Variants in MYT1 observed in about 807,000 individuals in gnomAD.
MYT1 encodes the protein myelin transcription factor 1.
MYT1 carries 23 observed loss-of-function variants against 123.0 expected under a neutral mutation model. That is an observed-to-expected ratio of 0.19 (90% CI 0.13 to 0.26). The LOEUF is 0.26. Among genes scored for constraint, MYT1 ranks in the 10% least tolerant of loss-of-function variants. The pLI, the probability that MYT1 is intolerant of heterozygous loss-of-function variation, is 1.00. For missense variants in MYT1, 1,125 were observed against 1,472.5 expected, an observed-to-expected ratio of 0.76 and a Z score of 3.86; for synonymous variants, 518 against 575.3, an observed-to-expected ratio of 0.90 and a Z score of 1.43.
At chr20:64,170,884 TAGAGAGAGAGAGAGAGAGAGAGAG>T (rs71197459) in intron 1 of MYT1, among the ~76,000 whole-genome samples, 1 of 20,008 alleles carries the variant, frequency 5.0e-5, no homozygotes, top group African/African-American at 2.3e-4. Context: ...TATATATATA[TAGAGAGAGAGAGAGAGAGAGAGAG>T]AGAGAGAGAG....
chr20:64,203,557 TCCTC>T lies in MYT1; in HGVS notation c.87-1468_87-1465del, dbSNP rs1415920482. Among the ~76,000 whole-genome samples, 1 of 150,858 alleles carries T rather than the reference TCCTC, an allele frequency of 6.6e-6. No individual in the cohort carries two copies. The highest frequency in any genetic ancestry group is 2.4e-5 in the African/African-American group (1 of 41,114). On this transcript the variant is annotated intron_variant, in intron 4 of 22. Transcript: ENST00000328439. This position sits in a 1 kb window ranked among gnomAD's most constrained non-coding sequence, Gnocchi z 5.1. ...CTTCCCGTCTGGGTTCCCTCTTCCC[TCCTC>T]CCTCCCTCCTTCCCTCCCTCTCTGT...
chr20:64,187,939 C>T (rs1206516734), intron 1 of MYT1, among the ~76,000 whole-genome samples: 1 of 152,208 alleles, frequency 6.6e-6, no homozygotes, highest in Non-Finnish European at 1.5e-5. Flanking sequence ...GGCTTTGCTG[C>T]CTCAGGGAGG....
Position 64,167,305 on chromosome 20 carries a change from G to A in MYT1, c.-99+2566G>A, listed in dbSNP as rs150182686. Reference sequence around the variant, plus strand: ...GGTGGGGGCTGAGCTCTTCCTGGACGGACTCAGTGCAAAAGGTGCGTCTAC... The same window carrying A: ...GGTGGGGGCTGAGCTCTTCCTGGACAGACTCAGTGCAAAAGGTGCGTCTAC... On this transcript the variant is annotated intron_variant, in intron 1 of 22. Coordinates refer to ENST00000328439, the MANE Select transcript of MYT1 (RefSeq NM_004535.3). This position sits in a 1 kb window ranked among gnomAD's most constrained non-coding sequence, Gnocchi z 6.3. Among the ~76,000 whole-genome samples, 8 of 152,310 alleles carry A rather than the reference G, an allele frequency of 5.3e-5. No individual in the cohort carries two copies. Among genetic ancestry groups the A allele is most frequent in the East Asian group, 1.9e-4 (1 of 5,180 alleles).
Position 64,202,338 on chromosome 20 carries a change from A to C in MYT1, c.86+2416A>C, listed in dbSNP as rs1244161263. On this transcript the variant is annotated intron_variant, in intron 4 of 22. Coordinates refer to ENST00000328439, the MANE Select transcript of MYT1 (RefSeq NM_004535.3). The surrounding 1 kb of genome is among the most constrained non-coding windows in gnomAD (Gnocchi z 5.0). ...TTTTTCCTTTCACCCCATCGGGAGAACTGATGACGTTTCAGCTTGTATTTT... is the reference window on the plus strand; with the variant it reads ...TTTTTCCTTTCACCCCATCGGGAGACCTGATGACGTTTCAGCTTGTATTTT... Among the ~76,000 whole-genome samples, 1 of 152,092 alleles carries C rather than the reference A, an allele frequency of 6.6e-6. No individual in the cohort carries two copies. Among genetic ancestry groups the C allele is most frequent in the African/African-American group, 2.4e-5 (1 of 41,412 alleles).
In MYT1 at chr20:64,231,123, T is replaced by G. The variant is rs1984309371; in HGVS notation, c.2676-1041T>G. Among the ~76,000 whole-genome samples the G allele has an allele frequency of 6.7e-6, 1 of 149,840 alleles. No individual in the cohort carries two copies. The highest frequency in any genetic ancestry group is 2.5e-5 in the African/African-American group (1 of 40,764). ...GTATGCCCATGAATCTCCTCGTAAATGGAGCCATGGTGACCTCTCGGGGTC... is the reference window on the plus strand; with the variant it reads ...GTATGCCCATGAATCTCCTCGTAAAGGGAGCCATGGTGACCTCTCGGGGTC... On this transcript the variant is annotated intron_variant, in intron 18 of 22. Transcript: ENST00000328439. This position sits in a 1 kb window ranked among gnomAD's most constrained non-coding sequence, Gnocchi z 6.4.
intron 10 of MYT1, among the ~76,000 whole-genome samples, chr20:64,214,282 C>T (rs188674423): frequency 1.7e-4 from 25 of 151,384 alleles, no homozygotes; most frequent in East Asian, 1.4e-3. Flanking sequence ...TTTACATGTG[C>T]GTGCAAGTCC....
At position 64,164,539 on chromosome 20, in the gene MYT1, G is replaced by A. The variant is rs1569302264; in HGVS notation, c.-299G>A. 6.6e-6 allele frequency: 1 copy of A among 152,168 alleles called. No individual in the cohort carries two copies. Among genetic ancestry groups the A allele is most frequent in the Non-Finnish European group, 1.5e-5 (1 of 68,036 alleles). The allele number at this position is 152,168 out of a possible 1,614,324, so 9.4% of individuals were successfully genotyped here. A position where few individuals can be genotyped will look rare whatever the true frequency, so the allele number is the denominator to read the frequency against. ...TTAAGTAAATGAGACGTCGCCTTTA[G>A]CTGGCTTAGGAGTTCGCACACTAAG... On this transcript the variant is annotated 5_prime_UTR_variant, in exon 1 of 23. It removes the in-frame stop codon of an upstream open reading frame in the 5' UTR. Transcript: ENST00000328439.
At chr20:64,209,767 A>G (rs904667965) in intron 7 of MYT1, among the ~76,000 whole-genome samples, 2 of 152,192 alleles carry the variant, frequency 1.3e-5, no homozygotes, top group Non-Finnish European at 2.9e-5. Flanking sequence ...CACGAGGGAC[A>G]TGTTTTCCGG....
At chr20:64,220,297 G>A (rs1983963486) in intron 13 of MYT1, among the ~76,000 whole-genome samples, 1 of 152,218 alleles carries the variant, frequency 6.6e-6, no homozygotes, top group African/African-American at 2.4e-5. Context: ...GGAGGAGAAA[G>A]GCATCGTTCA....
intron 1 of MYT1, among the ~76,000 whole-genome samples, chr20:64,178,178 G>T (rs916537598): frequency 2.6e-5 from 4 of 152,204 alleles, no homozygotes; most frequent in African/African-American, 9.6e-5. Context: ...AATACATTTT[G>T]AAACAATCTC....
intron 2 of MYT1, among the ~76,000 whole-genome samples, chr20:64,194,311 C>T (rs906748663): frequency 1.3e-5 from 2 of 152,210 alleles, no homozygotes; most frequent in Admixed American, 1.3e-4. Context: ...TGGAGTGCCT[C>T]CCACCCCAGA....
chr20:64,223,447 C>T lies in MYT1; in HGVS notation c.2528+88C>T, dbSNP rs576089226. On this transcript the variant is annotated intron_variant, in intron 16 of 22. Coordinates refer to ENST00000328439, the MANE Select transcript of MYT1 (RefSeq NM_004535.3). ...TGAGGCTCCTGCCAAAATCAGCCTTCTCCAAGGTGCCAAGCCTCAGCTGGC... is the reference window on the plus strand; with the variant it reads ...TGAGGCTCCTGCCAAAATCAGCCTTTTCCAAGGTGCCAAGCCTCAGCTGGC... The T allele has an allele frequency of 2.1e-4, 310 of 1,454,392 alleles. 4 individuals carry two copies. In the South Asian group the frequency reaches 3.3e-3, roughly 15 times the overall value. The allele number at this position is 1,454,392 out of a possible 1,614,324, so 90.1% of individuals were successfully genotyped here.
rs1046249898 is a variant in MYT1 at position 64,241,533 on chromosome 20, G to A, written c.*1085G>A. On this transcript the variant is annotated 3_prime_UTR_variant, in exon 23 of 23. Transcript: ENST00000328439. The surrounding 1 kb of genome is among the most constrained non-coding windows in gnomAD (Gnocchi z 4.2). The stretch of plus-strand genomic sequence containing the variant: ...CCTGGAAAAAATTAAAAAGTAGTTA[G>A]TTTAATTATTCTGTAAATTATTTAA... 1 of 152,676 alleles carries A rather than the reference G, an allele frequency of 6.5e-6. No homozygotes were observed. Among genetic ancestry groups the A allele is most frequent in the South Asian group, 2.1e-4 (1 of 4,826 alleles). The allele number at this position is 152,676 out of a possible 1,614,324, so 9.5% of individuals were successfully genotyped here. A position where few individuals can be genotyped will look rare whatever the true frequency, so the allele number is the denominator to read the frequency against.
At position 64,232,146 on chromosome 20, in the gene MYT1, C is replaced by T. The variant is rs199682818; in HGVS notation, c.2676-18C>T. ...CAACCCTTCGCCCCTGTACTCACCCCGGCCTCTCTGTACCCAGGTGCCCAG... is the reference window on the plus strand; with the variant it reads ...CAACCCTTCGCCCCTGTACTCACCCTGGCCTCTCTGTACCCAGGTGCCCAG... On this transcript the variant is annotated intron_variant, in intron 18 of 22. Transcript: ENST00000328439. This position sits in a 1 kb window ranked among gnomAD's most constrained non-coding sequence, Gnocchi z 6.9. 2.7e-5 allele frequency: 43 copies of T among 1,611,732 alleles called. No homozygotes were observed. The highest frequency in any genetic ancestry group is 1.2e-4 in the African/African-American group (9 of 75,040).
chr20:64,186,767 G>A lies in MYT1; in HGVS notation c.-98-3296G>A, dbSNP rs1224448194. ...TCCGTGGAGAGATTTCCTGTAGCCC[G>A]TGGCCCCGGCATCCACGTTTCCGTG... On this transcript the variant is annotated intron_variant, in intron 1 of 22. Coordinates refer to ENST00000328439, the MANE Select transcript of MYT1 (RefSeq NM_004535.3). This position sits in a 1 kb window ranked among gnomAD's most constrained non-coding sequence, Gnocchi z 4.3. Among the ~76,000 whole-genome samples, 9 of 151,980 alleles carry A rather than the reference G, an allele frequency of 5.9e-5. No homozygotes were observed. The highest frequency in any genetic ancestry group is 3.9e-4 in the Admixed American group (6 of 15,280).
Position 64,218,932 on chromosome 20 carries a change from C to G in MYT1, c.1868C>G (p.Ala623Gly). The G allele has an allele frequency of 6.2e-7, 1 of 1,613,702 alleles. No individual in the cohort carries two copies. Among genetic ancestry groups the G allele is most frequent in the Non-Finnish European group, 8.5e-7 (1 of 1,180,044 alleles). The change falls in exon 12 of 23, where the codon GCC becomes GGC. Residue 623 changes from alanine to glycine, a missense_variant. Physicochemically the swap from Ala to Gly is moderately conservative, Grantham distance 60. Coordinates refer to ENST00000328439, the MANE Select transcript of MYT1 (RefSeq NM_004535.3). The surrounding 1 kb of genome is among the most constrained non-coding windows in gnomAD (Gnocchi z 4.0). ...GCAGGCTTTGACTACTCGCAGGACG[C>G]CGAGGCTGCACACATGGCTGCCACT... ...AFQCFDYSQD[A>G]EAAHMAATAI...
intron 10 of MYT1, 141 bp from the exon 11 acceptor site, chr20:64,216,926 C>T: frequency 1.3e-6 from 1 of 744,396 alleles, no homozygotes; most frequent in Non-Finnish European, 2.2e-6. Flanking sequence ...GTGGAATATG[C>T]AGGGGTAGTG....
rs1982160528 is a variant in MYT1, at chr20:64,168,931, CCT to C, written c.-99+4200_-99+4201del. ...CTGACAGATGAGCCTGCTGGCCCCA[CCT>C]CTCTCTCACGCCTGGCTTCACACCT... On this transcript the variant is annotated intron_variant, in intron 1 of 22. Transcript: ENST00000328439. The surrounding 1 kb of genome is among the most constrained non-coding windows in gnomAD (Gnocchi z 6.1). Among the ~76,000 whole-genome samples, 1 of 152,206 alleles carries C rather than the reference CCT, an allele frequency of 6.6e-6. No individual in the cohort carries two copies. Among genetic ancestry groups the C allele is most frequent in the South Asian group, 2.1e-4 (1 of 4,828 alleles).
At chr20:64,204,537 C>T (rs1983422634) in intron 4 of MYT1, among the ~76,000 whole-genome samples, 1 of 152,248 alleles carries the variant, frequency 6.6e-6, no homozygotes, top group Non-Finnish European at 1.5e-5. Context: ...AGATTCCTTT[C>T]TGCCTGTCAG....
Sources: gnomAD v4.1 joint callset for allele counts (sites outside exome capture counted in the v4.1 genomes callset) on GRCh38, gnomAD v4.1.1 for gene constraint, Gnocchi (gnomAD v3.1) non-coding constraint, MANE v1.5 for transcripts, NCBI Gene and HGNC (gene_info 2026-07-23, HGNC 2026-07-21) for gene names.